Variants in FHIT observed in about 807,000 individuals in gnomAD.
FHIT encodes bis(5'-adenosyl)-triphosphatase.
A neutral mutation model predicts 17.9 loss-of-function variants in FHIT; 19 were observed. The observed-to-expected ratio is 1.06, with a 90% CI of 0.74 to 1.56. The LOEUF (loss-of-function observed/expected upper bound fraction) is 1.56, where lower values mean the gene tolerates loss of function less well. FHIT is among the 40% of genes most tolerant of loss of function. FHIT has a pLI of 0.00. For synonymous variants in FHIT, 81 were observed against 69.7 expected (o/e 1.16, Z -0.81); for missense variants, 248 against 189.2 (o/e 1.31, Z -1.82).
chr3:60,865,160 A>G (rs1421031279), intron 3 of FHIT, among the ~76,000 whole-genome samples: 1 of 152,214 alleles, frequency 6.6e-6, no homozygotes, highest in Non-Finnish European at 1.5e-5. Flanking sequence ...GCATGTGTTG[A>G]CCAAAAAACT....
At chr3:60,746,366 A>T (rs540475201) in intron 4 of FHIT, among the ~76,000 whole-genome samples, 2 of 152,350 alleles carry the variant, frequency 1.3e-5, no homozygotes, top group South Asian at 2.1e-4. Flanking sequence ...GTAACACTGG[A>T]TGAACACATT....
chr3:60,777,527 T>C (rs1486510303), intron 4 of FHIT, among the ~76,000 whole-genome samples: 3 of 152,194 alleles, frequency 2.0e-5, no homozygotes, highest in African/African-American at 7.2e-5. Flanking sequence ...GAGCAGGTTA[T>C]AAAATGCTTC....
chr3:60,961,912 G>T (rs1422589296), intron 3 of FHIT, among the ~76,000 whole-genome samples: 3 of 152,158 alleles, frequency 2.0e-5, no homozygotes, highest in Non-Finnish European at 4.4e-5. Context: ...GGCAATGTGG[G>T]CTCTTTTTTG....
chr3:60,557,657 G>A (rs553359680), intron 4 of FHIT, among the ~76,000 whole-genome samples: 1 of 151,790 alleles, frequency 6.6e-6, no homozygotes, highest in African/African-American at 2.4e-5. Flanking sequence ...ACAAAGTTGG[G>A]AGCAATGCTA....
Position 60,711,544 on chromosome 3 carries a change from G to C in FHIT, c.-18+110375C>G, listed in dbSNP as rs1465099900. Among the ~76,000 whole-genome samples, 5 of 152,172 alleles carry C rather than the reference G, an allele frequency of 3.3e-5. No individual in the cohort carries two copies. In the East Asian group the frequency reaches 9.6e-4, roughly 29 times the overall value. ...AACTTTGAAAAAAATTTAGACAAAT[G>C]TATAACTAGAATAACCAATACAGAG... On this transcript the variant is annotated intron_variant, in intron 4 of 9. Transcript: ENST00000492590.
chr3:60,723,743 T>A (rs1434663220), intron 4 of FHIT, among the ~76,000 whole-genome samples: 1 of 152,148 alleles, frequency 6.6e-6, no homozygotes, highest in Admixed American at 6.5e-5. Context: ...CAATGCTGAG[T>A]CCTAGGAGTC....
chr3:60,445,487 A>T (rs936584119), intron 5 of FHIT, among the ~76,000 whole-genome samples: 1 of 152,122 alleles, frequency 6.6e-6, no homozygotes, highest in Non-Finnish European at 1.5e-5. Flanking sequence ...AGAAGAAAAA[A>T]AAAAGAAACA....
chr3:60,130,780 G>GTATATACACACATA, intron 5 of FHIT, among the ~76,000 whole-genome samples: 1 of 2,402 alleles, frequency 4.2e-4, no homozygotes, highest in Non-Finnish European at 2.9e-3. Flanking sequence ...GTGTGTGTGT[G>GTATATACACACATA]TGTGGTGTGT....
At chr3:60,110,855 A>G (rs1704639303) in intron 5 of FHIT, among the ~76,000 whole-genome samples, 1 of 152,130 alleles carries the variant, frequency 6.6e-6, no homozygotes. Flanking sequence ...TTAATTTTTC[A>G]TGTTTCAATT....
chr3:59,844,088 GCTCT>G (rs988098359), intron 8 of FHIT, among the ~76,000 whole-genome samples: 2 of 152,090 alleles, frequency 1.3e-5, no homozygotes, highest in African/African-American at 4.8e-5. Flanking sequence ...ATGAGTAAAA[GCTCT>G]CTGACACCTC....
chr3:60,328,047 A>T (rs1709784656), intron 5 of FHIT, among the ~76,000 whole-genome samples: 1 of 152,188 alleles, frequency 6.6e-6, no homozygotes, highest in Non-Finnish European at 1.5e-5. Context: ...TCAGGGAAGA[A>T]GCAAGAAAGA....
intron 5 of FHIT, among the ~76,000 whole-genome samples, chr3:60,284,329 A>C (rs1231016055): frequency 6.6e-6 from 1 of 152,144 alleles, no homozygotes; most frequent in Non-Finnish European, 1.5e-5. Context: ...GAAATTAGAC[A>C]AAATGTGAAT....
In FHIT at chr3:60,896,426, T is replaced by G. The variant is rs140608172; in HGVS notation, c.-110-74415A>C. On this transcript the variant is annotated intron_variant, in intron 3 of 9. Transcript: ENST00000492590. ...ATACTTCTAATCTCCATCCAATAGCTCAGGCTCTTCCTTGCCTTTCCCCAA... is the reference window on the plus strand; with the variant it reads ...ATACTTCTAATCTCCATCCAATAGCGCAGGCTCTTCCTTGCCTTTCCCCAA... Among the ~76,000 whole-genome samples the G allele has an allele frequency of 4.4e-4, 67 of 152,294 alleles. 1 individual carries two copies. The East Asian group carries it at 0.012, about 28-fold the overall frequency.
At chr3:59,866,569 T>C (rs1356562130) in intron 8 of FHIT, among the ~76,000 whole-genome samples, 4 of 152,120 alleles carry the variant, frequency 2.6e-5, no homozygotes, top group Non-Finnish European at 5.9e-5. Context: ...AGAAGACTGT[T>C]ACCTTCCAGG....
intron 4 of FHIT, among the ~76,000 whole-genome samples, chr3:60,754,201 G>A (rs2108038303): frequency 6.6e-6 from 1 of 152,238 alleles, no homozygotes; most frequent in South Asian, 2.1e-4. Flanking sequence ...TACCCACTTT[G>A]CACTCTTTCT....
chr3:61,119,037 GC>G (rs1375725536), intron 2 of FHIT, among the ~76,000 whole-genome samples: 1 of 152,042 alleles, frequency 6.6e-6, no homozygotes, highest in African/African-American at 2.4e-5. Context: ...GAGTGGTATA[GC>G]CCCTTAGAGG....
At chr3:60,897,765 A>G (rs1456212252) in intron 3 of FHIT, among the ~76,000 whole-genome samples, 4 of 152,136 alleles carry the variant, frequency 2.6e-5, no homozygotes, top group Non-Finnish European at 5.9e-5. Context: ...GGCCAGCTTC[A>G]CTAGAGAGCT....
chr3:60,726,628 G>A (rs1167611111), intron 4 of FHIT, among the ~76,000 whole-genome samples: 2 of 152,262 alleles, frequency 1.3e-5, no homozygotes, highest in African/African-American at 4.8e-5. Flanking sequence ...CCCTATACTA[G>A]CTGTGTCCTT....
chr3:60,418,940 CAT>C (rs1040601604), intron 5 of FHIT, among the ~76,000 whole-genome samples: 1 of 152,074 alleles, frequency 6.6e-6, no homozygotes, highest in African/African-American at 2.4e-5. Context: ...GATCTGAAAA[CAT>C]ATAGAATTAC....
Sources: gnomAD v4.1 joint callset for allele counts (sites outside exome capture counted in the v4.1 genomes callset) on GRCh38, gnomAD v4.1.1 for gene constraint, MANE v1.5 for transcripts, NCBI Gene and HGNC (gene_info 2026-07-23, HGNC 2026-07-21) for gene names.